IGSF22: variants seen among roughly 807,000 people sequenced by gnomAD.
IGSF22 encodes the protein immunoglobulin superfamily member 22.
In IGSF22, 119 loss-of-function variants were observed where a neutral mutation model predicts 127.0. That is an observed-to-expected ratio of 0.94 (90% confidence interval 0.81 to 1.09). The LOEUF (loss-of-function observed/expected upper bound fraction) is 1.09, where lower values mean the gene tolerates loss of function less well. Among genes scored for constraint, IGSF22 ranks in the 50% least tolerant of loss-of-function variants. The pLI, the probability that IGSF22 is intolerant of heterozygous loss-of-function variation, is 0.00. For missense variants in IGSF22, 1,518 were observed against 1,716.6 expected (o/e 0.88, Z 2.04); for synonymous variants, 568 against 664.7 (o/e 0.85, Z 2.24).
At chr11:18,705,152 G>A (rs1848198874) in intron 22 of IGSF22, among the ~76,000 whole-genome samples, 1 of 152,064 alleles carries the variant, frequency 6.6e-6, no homozygotes, top group Non-Finnish European at 1.5e-5. Flanking sequence ...ATGAGAGGTG[G>A]GGGAGGGGGA....
chr11:18,713,144 GTTGT>G (rs1396471002), intron 14 of IGSF22, among the ~76,000 whole-genome samples: 3 of 132,964 alleles, frequency 2.3e-5, no homozygotes, highest in Non-Finnish European at 3.1e-5. Flanking sequence ...CTTTTTTGTT[GTTGT>G]TTCTTTTTTT....
At position 18,709,398 on chromosome 11, in the gene IGSF22, A is replaced by G; in HGVS notation, c.2987T>C (p.Met996Thr). 3.1e-6 allele frequency: 5 copies of G among 1,613,670 alleles called. No homozygotes were observed. The highest frequency in any genetic ancestry group is 4.2e-6 in the Non-Finnish European group (5 of 1,179,868). Residue 996 changes from methionine (M) to threonine (T), a missense_variant, in exon 18 of 23, where the codon ATG (methionine) becomes ACG (threonine). Physicochemically the swap from Met to Thr is moderately conservative, Grantham distance 81. This residue lies in a region of IGSF22 where 1,456 missense variants were observed against 1,644.9 expected (regional missense o/e 0.89). Transcript: ENST00000513874. This position sits in a 1 kb window ranked among gnomAD's most constrained non-coding sequence, Gnocchi z 4.8. ...CTCTGTGTCCTCACCTGGTGGTGGC[A>G]TGGCACGGACCCCCTTGTCTAGCTC... ...PVELDKGVRA[M>T]PPPAAPKFDL...
At chr11:18,724,418 G>A in intron 1 of IGSF22, 149 bp from the exon 2 acceptor site, 2 of 523,218 alleles carry the variant, frequency 3.8e-6, no homozygotes, top group East Asian at 6.0e-5. Flanking sequence ...TCATTTCCTA[G>A]CTTCCTTTTC....
intron 14 of IGSF22, 118 bp from the exon 15 acceptor site, chr11:18,712,502 T>G: frequency 1.1e-6 from 1 of 884,516 alleles, no homozygotes; most frequent in Non-Finnish European, 1.7e-6. Flanking sequence ...GCTTTTTGGA[T>G]CCTTTGCCCC....
In IGSF22 at chr11:18,719,871, T is replaced by G. The variant is rs940894198; in HGVS notation, c.541A>C (p.Lys181Gln). Residue 181 changes from lysine (K) to glutamine (Q), a missense_variant, in exon 7 of 23, where the codon AAG becomes CAG. Around this residue, in one of 3 missense-constraint regions of IGSF22, gnomAD observed 1,456 missense variants for 1,644.9 expected, o/e 0.89. Coordinates refer to ENST00000513874, the MANE Select transcript of IGSF22 (RefSeq NM_173588.4). ...TTCTCATTTGCCACCTTCTTCTGCT[T>G]CTTCTTGGGAGCAGGGGGTGCCCTA... Reference protein sequence around the residue: ...KKRAPPAPKKKQKKVANEKEM... With the variant: ...KKRAPPAPKKQQKKVANEKEM... 12 of 1,614,178 alleles carry G rather than the reference T, an allele frequency of 7.4e-6. No individual in the cohort carries two copies. Among genetic ancestry groups the G allele is most frequent in the South Asian group, 3.3e-5 (3 of 91,088 alleles).
At chr11:18,719,265 C>G (rs968987153) in intron 7 of IGSF22, among the ~76,000 whole-genome samples, 2 of 152,102 alleles carry the variant, frequency 1.3e-5, no homozygotes, top group Admixed American at 1.3e-4. Flanking sequence ...CTGTTTCAGC[C>G]TCCCAAGTAG....
intron 7 of IGSF22, 145 bp from the exon 8 acceptor site, chr11:18,718,873 C>T: frequency 1.6e-6 from 1 of 623,756 alleles, no homozygotes; most frequent in Non-Finnish European, 2.9e-6. Flanking sequence ...CTCCAGTGAT[C>T]AACTGAAAGA....
chr11:18,719,404 T>G (rs1848526247), intron 7 of IGSF22, among the ~76,000 whole-genome samples: 1 of 151,882 alleles, frequency 6.6e-6, no homozygotes, highest in South Asian at 2.1e-4. Context: ...TGACCTCAGG[T>G]GATCCACCCA....
intron 1 of IGSF22, among the ~76,000 whole-genome samples, chr11:18,725,126 T>C (rs894425502): frequency 6.6e-6 from 1 of 152,196 alleles, no homozygotes; most frequent in Non-Finnish European, 1.5e-5. Context: ...CGTTTCCTCA[T>C]TCCTGTTCAG....
chr11:18,714,249 G>A, intron 13 of IGSF22, 28 bp downstream of exon 13: 1 of 1,602,810 alleles, frequency 6.2e-7, no homozygotes, highest in Admixed American at 1.7e-5. Flanking sequence ...GCATGGTTGA[G>A]CTTTGCCTAC....
At position 18,709,672 on chromosome 11, in the gene IGSF22, G is replaced by C. The variant is rs369738967; in HGVS notation, c.2713C>G (p.Leu905Val). ...VAKDPVKPPGLVQDLHVSDSS... is the reference protein window; with the variant it reads ...VAKDPVKPPGVVQDLHVSDSS... ...TCAGATACATGCAGGTCCTGGACCA[G>C]GCCTGGGGGTTCTGGGGTAGAACAG... The change falls in exon 18 of 23, where the codon CTG becomes GTG. Residue 905 changes from leucine to valine, a missense_variant. By Grantham distance (32) the Leu-to-Val change is conservative (BLOSUM62 1). Transcript: ENST00000513874. The surrounding 1 kb of genome is among the most constrained non-coding windows in gnomAD (Gnocchi z 4.8). The C allele has an allele frequency of 3.5e-5, 57 of 1,613,532 alleles. No homozygotes were observed. The highest frequency in any genetic ancestry group is 4.7e-5 in the Non-Finnish European group (55 of 1,179,694).
chr11:18,707,289 G>T, intron 20 of IGSF22, 76 bp from the exon 21 acceptor site: 1 of 1,312,308 alleles, frequency 7.6e-7, no homozygotes, highest in East Asian at 2.6e-5. Flanking sequence ...CATCTGCCAA[G>T]TCCGATGGAA....
intron 15 of IGSF22, among the ~76,000 whole-genome samples, chr11:18,711,543 G>C (rs1848356922): frequency 6.6e-6 from 1 of 152,072 alleles, no homozygotes; most frequent in African/African-American, 2.4e-5. Context: ...GATGACAGGA[G>C]CCCGCCACCA....
At chr11:18,715,819 C>T in intron 10 of IGSF22, 103 bp from the exon 11 acceptor site, 1 of 1,280,234 alleles carries the variant, frequency 7.8e-7, no homozygotes, top group Non-Finnish European at 1.1e-6. Flanking sequence ...CCAGAAAACA[C>T]AAGAACTTGT....
chr11:18,706,643 G>A (rs977767683), intron 21 of IGSF22: 6 of 420,640 alleles, frequency 1.4e-5, no homozygotes, highest in African/African-American at 1.2e-4. Flanking sequence ...TCCCCTCAGA[G>A]CAGAACGCGT....
chr11:18,708,296 C>G lies in IGSF22; in HGVS notation c.2999-1G>C. 3 of 1,542,716 alleles carry G rather than the reference C, an allele frequency of 1.9e-6. No individual in the cohort carries two copies. Among genetic ancestry groups the G allele is most frequent in the Non-Finnish European group, 2.6e-6 (3 of 1,142,942 alleles). ...GCACTGAGGTCAAACTTGGGTGCAG[C>G]TGAGATGGAGGAGACAGAGGTGGAG... is the stretch of plus-strand genomic sequence containing the variant. On this transcript the variant is annotated splice_acceptor_variant, in intron 18 of 22. Transcript: ENST00000513874. LOFTEE classifies it high-confidence loss of function.
Position 18,707,834 on chromosome 11 carries a change from C to T in IGSF22, c.3250G>A (p.Ala1084Thr), listed in dbSNP as rs143134123. The part of the protein sequence containing the change: ...RILLQNEFGE[A>T]RYDIHVRVAD... ...ACGCGCACATGGATGTCATAGCGTG[C>T]TTCTCCAAACTCATTCTGAAGCAAG... Residue 1084 changes from alanine to threonine, a missense_variant, in exon 20 of 23, where the codon GCA becomes ACA. Physicochemically the swap from Ala to Thr is moderately conservative, Grantham distance 58 (BLOSUM62 0). Transcript: ENST00000513874. 6.2e-7 allele frequency: 1 copy of T among 1,609,600 alleles called. No individual in the cohort carries two copies. Among genetic ancestry groups the T allele is most frequent in the Non-Finnish European group, 8.5e-7 (1 of 1,177,842 alleles).
At chr11:18,721,740 G>C in intron 3 of IGSF22, 69 bp from the exon 4 acceptor site, 2 of 1,601,820 alleles carry the variant, frequency 1.2e-6, no homozygotes, top group Non-Finnish European at 1.7e-6. Flanking sequence ...CCCTCTGCCG[G>C]CTCTCTGCCT....
intron 8 of IGSF22, 62 bp downstream of exon 8, chr11:18,718,553 G>A: frequency 1.1e-6 from 1 of 922,492 alleles, no homozygotes; most frequent in Non-Finnish European, 1.8e-6. Flanking sequence ...TATATACAGT[G>A]AGAGAAGGGG....
Sources: allele counts gnomAD v4.1 joint callset (sites outside exome capture counted in the v4.1 genomes callset), GRCh38; gene constraint gnomAD v4.1.1; regional missense constraint gnomAD v4.1.1; non-coding constraint Gnocchi (gnomAD v3.1); transcripts MANE v1.5; gene names NCBI Gene and HGNC (gene_info 2026-07-23, HGNC 2026-07-21).